Variants in TMTC2 observed in about 807,000 individuals in gnomAD.
TMTC2 encodes protein O-mannosyl-transferase TMTC2.
In TMTC2, 43 loss-of-function variants were observed where a neutral mutation model predicts 82.4. The ratio of observed to expected loss-of-function variants is 0.52; its 90% CI spans 0.41 to 0.67. The LOEUF is 0.67. Among genes scored for constraint, TMTC2 ranks in the 30% least tolerant of loss-of-function variants. TMTC2 has a pLI of 0.00. For synonymous variants in TMTC2, 408 were observed against 381.9 expected (o/e 1.07, Z -0.80); for missense variants, 919 against 1,012.4 (o/e 0.91, Z 1.25).
chr12:82,876,538 A>G (rs1026752278), intron 2 of TMTC2, among the ~76,000 whole-genome samples: 1 of 152,202 alleles, frequency 6.6e-6, no homozygotes, highest in African/African-American at 2.4e-5. Flanking sequence ...AGGCTGGGTA[A>G]TGAAATCTGA....
At chr12:83,045,078 G>A (rs1024193424) in intron 9 of TMTC2, among the ~76,000 whole-genome samples, 4 of 152,158 alleles carry the variant, frequency 2.6e-5, no homozygotes, top group African/African-American at 9.7e-5. Context: ...TTCAGTGAGA[G>A]AATTGTCCAG....
intron 8 of TMTC2, among the ~76,000 whole-genome samples, chr12:83,023,781 C>T (rs1321819342): frequency 6.6e-6 from 1 of 152,208 alleles, no homozygotes; most frequent in Non-Finnish European, 1.5e-5. Context: ...TCTAGCTGCC[C>T]TTGGTGTCAC....
intron 11 of TMTC2, among the ~76,000 whole-genome samples, chr12:83,083,784 A>G (rs1399137538): frequency 2.0e-5 from 3 of 152,184 alleles, no homozygotes; most frequent in Non-Finnish European, 4.4e-5. Flanking sequence ...AATGCAAGCC[A>G]ACCACAACAT....
At chr12:82,816,550 A>G (rs1868738877) in intron 1 of TMTC2, among the ~76,000 whole-genome samples, 1 of 152,058 alleles carries the variant, frequency 6.6e-6, no homozygotes, top group African/African-American at 2.4e-5. Context: ...ATGAGTTTGT[A>G]ATAAGATAGA....
At position 83,134,297 on chromosome 12, in the gene TMTC2, A is replaced by T. The variant is rs1885366019; in HGVS notation, c.*1908A>T. 6.6e-6 allele frequency: 1 copy of T among 152,618 alleles called. No homozygotes were observed. Among genetic ancestry groups the T allele is most frequent in the East Asian group, 1.9e-4 (1 of 5,192 alleles). 9.5% of individuals were successfully genotyped at this position (152,618 alleles called of 1,614,324 possible). A position where few individuals can be genotyped will look rare whatever the true frequency, so the allele number is the denominator to read the frequency against. Reference sequence around the variant, plus strand: ...TTAGTGCATTGGCAATTGCAAAAAAAAAAAAGGAATTTAATATAAGGCTAT... The same window carrying T: ...TTAGTGCATTGGCAATTGCAAAAAATAAAAAGGAATTTAATATAAGGCTAT... On this transcript the variant is annotated 3_prime_UTR_variant, in exon 12 of 12. Coordinates refer to ENST00000321196, the MANE Select transcript of TMTC2 (RefSeq NM_152588.3).
At position 82,982,970 on chromosome 12, in the gene TMTC2, C is replaced by T. The variant is rs181865785; in HGVS notation, c.1949-2955C>T. Among the ~76,000 whole-genome samples, 83 of 152,050 alleles carry T rather than the reference C, an allele frequency of 5.5e-4. 1 individual carries two copies. The highest frequency in any genetic ancestry group is 1.5e-3 in the African/African-American group (63 of 41,528). ...ACATTCCTTGGTAAGCAATGAGATACGTTTATAAAGCAACTATTATAGAAA... is the reference window on the plus strand; with the variant it reads ...ACATTCCTTGGTAAGCAATGAGATATGTTTATAAAGCAACTATTATAGAAA... On this transcript the variant is annotated intron_variant, in intron 7 of 11. Transcript: ENST00000321196.
chr12:82,810,406 AT>A (rs556332873), intron 1 of TMTC2, among the ~76,000 whole-genome samples: 72 of 149,768 alleles, frequency 4.8e-4, no homozygotes, highest in East Asian at 1.5e-3. Context: ...AATTATTTTT[AT>A]TTTTTTTATT....
intron 1 of TMTC2, chr12:82,760,470 T>G (rs905999067): frequency 6.7e-6 from 1 of 148,414 alleles, no homozygotes; most frequent in Non-Finnish European, 1.5e-5. Flanking sequence ...CCCAGGGTTT[T>G]TTTTTTTTTT....
At chr12:83,008,115 C>T (rs939808546) in intron 8 of TMTC2, among the ~76,000 whole-genome samples, 3 of 152,040 alleles carry the variant, frequency 2.0e-5, no homozygotes, top group African/African-American at 7.2e-5. Context: ...GCAGATTTGC[C>T]ATTGAAAGTA....
At chr12:82,989,755 T>A (rs1390883064) in intron 8 of TMTC2, among the ~76,000 whole-genome samples, 98 of 28,830 alleles carry the variant, frequency 3.4e-3, no homozygotes, top group African/African-American at 0.024. Flanking sequence ...TCAGGAGGCT[T>A]TTTTTTTTTT....
intron 1 of TMTC2, among the ~76,000 whole-genome samples, chr12:82,786,730 G>A (rs1878194343): frequency 6.6e-6 from 1 of 152,094 alleles, no homozygotes. Flanking sequence ...TCTTTGAAGA[G>A]AGTGTCTCCA....
At chr12:83,068,383 A>G (rs1446741709) in intron 11 of TMTC2, among the ~76,000 whole-genome samples, 1 of 152,162 alleles carries the variant, frequency 6.6e-6, no homozygotes, top group Non-Finnish European at 1.5e-5. Flanking sequence ...AATGGGACAG[A>G]TTCAGATTTT....
intron 1 of TMTC2, among the ~76,000 whole-genome samples, chr12:82,741,459 C>T (rs1053102814): frequency 1.9e-4 from 29 of 152,032 alleles, no homozygotes; most frequent in Non-Finnish European, 2.9e-4. Flanking sequence ...TACAGGCACG[C>T]GCCACCACGC....
chr12:82,690,251 C>T (rs1473266201), intron 1 of TMTC2: 1 of 407,286 alleles, frequency 2.5e-6, no homozygotes, highest in Non-Finnish European at 3.3e-6. Flanking sequence ...ATTTCAGATG[C>T]AAAGATTCAT....
intron 1 of TMTC2, among the ~76,000 whole-genome samples, chr12:82,771,206 C>CA (rs56743424): frequency 0.092 from 8,005 of 86,750 alleles, 270 homozygotes; most frequent in Middle Eastern, 0.17. Flanking sequence ...GACTCTGTCT[C>CA]AAAAAAAAAA....
Position 82,815,652 on chromosome 12 carries a change from A to AT in TMTC2, c.84-41351dup, listed in dbSNP as rs974644243. ...ACTGAAGATAAATACAGATTTTTTT[A>AT]TTTTTTTATTTTTATTTTGGCTTAT... On this transcript the variant is annotated intron_variant, in intron 1 of 11. Transcript: ENST00000321196. Among the ~76,000 whole-genome samples, 337 of 151,856 alleles carry AT rather than the reference A, an allele frequency of 2.2e-3. 2 individuals are homozygous for AT. Among genetic ancestry groups the AT allele is most frequent in the African/African-American group, 7.6e-3 (314 of 41,454 alleles).
At chr12:82,998,484 A>T (rs1406881038) in intron 8 of TMTC2, among the ~76,000 whole-genome samples, 25 of 152,212 alleles carry the variant, frequency 1.6e-4, no homozygotes, top group Admixed American at 1.6e-3. Context: ...TCATGCTTAC[A>T]AAACCAGTCA....
chr12:83,077,158 C>T (rs2137498054), intron 11 of TMTC2, among the ~76,000 whole-genome samples: 1 of 152,270 alleles, frequency 6.6e-6, no homozygotes, highest in Non-Finnish European at 1.5e-5. Flanking sequence ...AATATGGTAT[C>T]TTGGCATATT....
chr12:83,019,284 G>A (rs1171799820), intron 8 of TMTC2, among the ~76,000 whole-genome samples: 1 of 152,018 alleles, frequency 6.6e-6, no homozygotes, highest in Non-Finnish European at 1.5e-5. Flanking sequence ...TTCCTTCACA[G>A]CCAGGTATGT....
Sources: gnomAD v4.1 joint callset for allele counts (sites outside exome capture counted in the v4.1 genomes callset) on GRCh38, gnomAD v4.1.1 for gene constraint, MANE v1.5 for transcripts, NCBI Gene and HGNC (gene_info 2026-07-23, HGNC 2026-07-21) for gene names.